The following UTRN variants were observed in gnomAD, a reference collection of about 807,000 sequenced individuals.
UTRN encodes the protein utrophin, also known as dystrophin-related protein 1.
In UTRN, 283 loss-of-function variants were observed where a neutral mutation model predicts 463.9. That is an observed-to-expected ratio of 0.61 (90% CI 0.55 to 0.67). UTRN has a LOEUF of 0.67. Among genes scored for constraint, UTRN ranks in the 30% least tolerant of loss-of-function variants. The probability of loss-of-function intolerance (pLI) is 0.00; values close to 1 mark genes in which losing one functional copy is unlikely to be tolerated. For missense variants in UTRN, 3,922 were observed against 4,084.3 expected (o/e 0.96, Z 1.08); for synonymous variants, 1,442 against 1,431.5 (o/e 1.01, Z -0.17).
At chr6:144,392,513 A>G (rs1782028736) in intron 2 of UTRN, among the ~76,000 whole-genome samples, 1 of 152,386 alleles carries the variant, frequency 6.6e-6, no homozygotes, top group South Asian at 2.1e-4. Flanking sequence ...AATTATGCCA[A>G]TTATTAAGCC....
chr6:144,309,789 G>A (rs1372797203), intron 2 of UTRN, among the ~76,000 whole-genome samples: 2 of 152,178 alleles, frequency 1.3e-5, no homozygotes, highest in Non-Finnish European at 2.9e-5. Context: ...CATTCCAGTT[G>A]TAATAAACGC....
chr6:144,460,784 C>T (rs982176602), intron 21 of UTRN, among the ~76,000 whole-genome samples: 11 of 152,290 alleles, frequency 7.2e-5, no homozygotes, highest in African/African-American at 1.7e-4. Context: ...CATATAATCT[C>T]CTCCACTCTG....
chr6:144,836,149 C>A, intron 70 of UTRN, 152 bp from the exon 71 acceptor site: 1 of 1,439,858 alleles, frequency 6.9e-7, no homozygotes, highest in Non-Finnish European at 9.3e-7. Flanking sequence ...TTGCTTAAAA[C>A]TACAATTTTA....
At position 144,571,598 on chromosome 6, in the gene UTRN, CT is replaced by C. The variant is rs541062339; in HGVS notation, c.7290-5497del. Among the ~76,000 whole-genome samples the C allele has an allele frequency of 4.4e-3, 669 of 152,252 alleles. 3 individuals carry two copies. The highest frequency in any genetic ancestry group is 0.016 in the African/African-American group (646 of 41,560). ...GAAGTTGCTTAGGGATGCTACTGTT[CT>C]TTTCCCTGCTTCGCCATTGAATTTT... On this transcript the variant is annotated intron_variant, in intron 50 of 74. Coordinates refer to ENST00000367545, the MANE Select transcript of UTRN (RefSeq NM_007124.3).
intron 63 of UTRN, among the ~76,000 whole-genome samples, chr6:144,796,846 C>T (rs1777263048): frequency 6.6e-6 from 1 of 151,856 alleles, no homozygotes; most frequent in African/African-American, 2.4e-5. Context: ...TTTAGAAATA[C>T]AAAAAATATC....
At chr6:144,805,887 A>T (rs1778106138) in intron 65 of UTRN, among the ~76,000 whole-genome samples, 1 of 152,162 alleles carries the variant, frequency 6.6e-6, no homozygotes, top group South Asian at 2.1e-4. Context: ...AAGAGAGACA[A>T]TAGTAGGAGA....
intron 12 of UTRN, among the ~76,000 whole-genome samples, chr6:144,439,438 A>G (rs1375348024): frequency 6.6e-6 from 1 of 152,222 alleles, no homozygotes; most frequent in African/African-American, 2.4e-5. Context: ...TACATTAAAC[A>G]CAACTCTGAG....
intron 51 of UTRN, among the ~76,000 whole-genome samples, chr6:144,579,962 A>T (rs547063866): frequency 1.7e-4 from 26 of 152,308 alleles, no homozygotes; most frequent in Non-Finnish European, 2.4e-4. Context: ...TTCTATTTTT[A>T]AAAAAGTTCC....
At chr6:144,699,762 T>G (rs557072750) in intron 52 of UTRN, among the ~76,000 whole-genome samples, 2 of 150,212 alleles carry the variant, frequency 1.3e-5, no homozygotes, top group East Asian at 3.9e-4. Context: ...ATTTTGATAG[T>G]TATTACCAAT....
chr6:144,618,352 A>G (rs868204049), intron 51 of UTRN, among the ~76,000 whole-genome samples: 10 of 152,204 alleles, frequency 6.6e-5, no homozygotes, highest in African/African-American at 2.4e-4. Flanking sequence ...ACTACTAAGT[A>G]CAGTGCTTCC....
chr6:144,778,657 A>C (rs1775553027), intron 60 of UTRN, among the ~76,000 whole-genome samples: 1 of 152,064 alleles, frequency 6.6e-6, no homozygotes, highest in Non-Finnish European at 1.5e-5. Flanking sequence ...GAATGGCCAC[A>C]TAGCTTGACA....
chr6:144,522,268 A>G, intron 40 of UTRN, 97 bp downstream of exon 40: 17 of 979,466 alleles, frequency 1.7e-5, no homozygotes, highest in South Asian at 7.0e-5. Context: ...TATATCTTTT[A>G]CAATTTGTGC....
intron 51 of UTRN, among the ~76,000 whole-genome samples, chr6:144,640,909 A>T (rs1286909522): frequency 6.6e-6 from 1 of 152,148 alleles, no homozygotes; most frequent in African/African-American, 2.4e-5. Flanking sequence ...AAGAATATTT[A>T]TTTCAGATTA....
chr6:144,554,720 C>T lies in UTRN; in HGVS notation c.6961C>T (p.Gln2321Ter), dbSNP rs1428810956. 6.2e-6 allele frequency: 10 copies of T among 1,613,858 alleles called. No homozygotes were observed. The highest frequency in any genetic ancestry group is 2.2e-5 in the East Asian group (1 of 44,878). The change falls in exon 49 of 75, where the codon CAG becomes TAG. Residue 2321 changes from glutamine (Q) to a stop codon, truncating the protein, a stop_gained. Transcript: ENST00000367545. LOFTEE classifies it high-confidence loss of function. The stretch of plus-strand genomic sequence containing the variant: ...GGTCAAGAACCAGTGGGATGGCACC[C>T]AGCATGGCGTTGAGCTAAGACAGCA... The part of the protein sequence containing the change: ...ERVKNQWDGT[Q>*]HGVELRQQQL...
intron 51 of UTRN, among the ~76,000 whole-genome samples, chr6:144,609,586 T>C (rs914158186): frequency 2.6e-5 from 4 of 152,144 alleles, no homozygotes; most frequent in Non-Finnish European, 5.9e-5. Flanking sequence ...ATAGACCAAA[T>C]AGACCTAACA....
intron 51 of UTRN, among the ~76,000 whole-genome samples, chr6:144,593,379 A>G (rs926522605): frequency 1.3e-4 from 20 of 152,186 alleles, no homozygotes; most frequent in African/African-American, 4.8e-4. Flanking sequence ...GTACCCTTAG[A>G]GGCCTCCAAT....
intron 73 of UTRN, among the ~76,000 whole-genome samples, chr6:144,843,880 G>C (rs12663058): frequency 0.15 from 23,339 of 152,130 alleles, 2,534 homozygotes; most frequent in Admixed American, 0.36. Flanking sequence ...GGAGCAGCTG[G>C]CTTCATGTTT....
At chr6:144,843,043 T>C (rs970187761) in intron 73 of UTRN, among the ~76,000 whole-genome samples, 1 of 152,244 alleles carries the variant, frequency 6.6e-6, no homozygotes, top group African/African-American at 2.4e-5. Flanking sequence ...TCAATTGTTA[T>C]GTTACTTAGT....
At chr6:144,411,527 C>T (rs1194703322) in intron 3 of UTRN, among the ~76,000 whole-genome samples, 1 of 152,062 alleles carries the variant, frequency 6.6e-6, no homozygotes, top group Non-Finnish European at 1.5e-5. Context: ...TCTTATCATC[C>T]CAGATTTTAT....
Sources: gnomAD v4.1 joint callset for allele counts (sites outside exome capture counted in the v4.1 genomes callset) on GRCh38, gnomAD v4.1.1 for gene constraint, MANE v1.5 for transcripts, NCBI Gene and HGNC (gene_info 2026-07-23, HGNC 2026-07-21) for gene names.